MROH1: variants seen among roughly 807,000 people sequenced by gnomAD.
MROH1 encodes the protein maestro heat-like repeat-containing protein family member 1.
A neutral mutation model predicts 116.5 loss-of-function variants in MROH1; 117 were observed. That is an observed-to-expected ratio of 1.00 (90% CI 0.86 to 1.17). The LOEUF is 1.17. Ranked by LOEUF, MROH1 falls within the 50% of genes most tolerant of loss-of-function variation. The pLI is 0.00. For missense variants in MROH1, 1,873 were observed against 1,338.5 expected (o/e 1.40, Z -6.23); for synonymous variants, 921 against 583.9 (o/e 1.58, Z -8.32).
At chr8:144,249,738 G>T (rs1370636557) in intron 32 of MROH1, among the ~76,000 whole-genome samples, 1 of 152,180 alleles carries the variant, frequency 6.6e-6, no homozygotes, top group Non-Finnish European at 1.5e-5. Context: ...CTCAGGCCCA[G>T]CTCCATCCTC....
chr8:144,196,883 C>T (rs1161425261), intron 10 of MROH1, among the ~76,000 whole-genome samples: 1 of 151,636 alleles, frequency 6.6e-6, no homozygotes, highest in Non-Finnish European at 1.5e-5. Context: ...ACCACGAGGT[C>T]AGGAGTTCAA....
intron 12 of MROH1, among the ~76,000 whole-genome samples, chr8:144,203,678 G>A (rs1337258856): frequency 6.6e-6 from 1 of 152,122 alleles, no homozygotes; most frequent in Non-Finnish European, 1.5e-5. Context: ...GAGGCATGGG[G>A]CGTGTGGCAG....
Position 144,243,923 on chromosome 8 carries a change from C to G in MROH1, c.2536C>G (p.Leu846Val). The change falls in exon 26 of 44, where the codon CTC becomes GTC. Residue 846 changes from leucine to valine, a missense_variant. Leu to Val is a conservative substitution (Grantham distance 32). Coordinates refer to ENST00000326134, the MANE Select transcript of MROH1 (RefSeq NM_032450.3). ...GACACCTATTCGGAAGAAAGCCATG[C>G]TCACCTGCACTTACTTGGTGTATCC... ...LRTPIRKKAM[L>V]TCTYLVSVEP... The G allele has an allele frequency of 1.3e-6, 1 of 780,462 alleles. No individual in the cohort carries two copies. Among genetic ancestry groups the G allele is most frequent in the Non-Finnish European group, 2.4e-6 (1 of 417,726 alleles). The allele number at this position is 780,462 out of a possible 1,614,324, so 48.3% of individuals were successfully genotyped here.
At chr8:144,241,621 C>T in intron 22 of MROH1, 104 bp downstream of exon 22, 1 of 762,416 alleles carries the variant, frequency 1.3e-6, no homozygotes, top group South Asian at 1.4e-5. Flanking sequence ...CTGGTTGCGT[C>T]CCTGGACCAA....
At chr8:144,260,114 T>C (rs1189612095) in intron 38 of MROH1, 57 bp downstream of exon 38, 4 of 748,240 alleles carry the variant, frequency 5.3e-6, no homozygotes, top group South Asian at 2.8e-5. Context: ...GGGCTGTGCA[T>C]GGAGGCCACC....
chr8:144,249,736 C>T (rs1842530546), intron 32 of MROH1, among the ~76,000 whole-genome samples: 1 of 152,230 alleles, frequency 6.6e-6, no homozygotes, highest in Non-Finnish European at 1.5e-5. Context: ...GTCTCAGGCC[C>T]AGCTCCATCC....
At chr8:144,250,187 A>C in intron 32 of MROH1, 25 bp from the exon 33 acceptor site, 1 of 761,364 alleles carries the variant, frequency 1.3e-6, no homozygotes. Flanking sequence ...GCGTGGCCTG[A>C]CCACCGTGTC....
At chr8:144,254,765 C>T (rs903983453) in intron 33 of MROH1, 48 bp from the exon 34 acceptor site, 24,431 of 735,952 alleles carry the variant, frequency 0.033, 680 homozygotes, top group Admixed American at 0.084. Flanking sequence ...GGGGGGCAGG[C>T]GCCCTGACCA....
In MROH1 at chr8:144,180,632, G is replaced by A. The variant is rs914072755; in HGVS notation, c.562+109G>A. The A allele has an allele frequency of 2.5e-5, 27 of 1,086,142 alleles. No individual in the cohort carries two copies. Among genetic ancestry groups the A allele is most frequent in the African/African-American group, 2.0e-4 (13 of 63,562 alleles). The allele number at this position is 1,086,142 out of a possible 1,614,324, so 67.3% of individuals were successfully genotyped here. On this transcript the variant is annotated intron_variant, in intron 7 of 43. Transcript: ENST00000326134. This position sits in a 1 kb window ranked among gnomAD's most constrained non-coding sequence, Gnocchi z 7.4. ...GGTGGGCACTTTAGGCTGCAGGAAGGGGGGCTGTTGGAGGGAGGGGCCCCC... is the reference window on the plus strand; with the variant it reads ...GGTGGGCACTTTAGGCTGCAGGAAGAGGGGCTGTTGGAGGGAGGGGCCCCC...
intron 35 of MROH1, 107 bp from the exon 36 acceptor site, chr8:144,258,670 C>T (rs1028108683): frequency 3.5e-5 from 24 of 694,686 alleles, no homozygotes; most frequent in Admixed American, 6.0e-5. Context: ...AGGGATAGGG[C>T]TAGCCACCAG....
intron 4 of MROH1, among the ~76,000 whole-genome samples, chr8:144,172,549 T>A (rs1295982668): frequency 6.6e-6 from 1 of 151,880 alleles, no homozygotes; most frequent in Admixed American, 6.6e-5. Flanking sequence ...GTAGCTGGGA[T>A]TACAGACGCG....
intron 12 of MROH1, among the ~76,000 whole-genome samples, chr8:144,209,578 C>A (rs201928756): frequency 3.8e-3 from 496 of 131,146 alleles, no homozygotes; most frequent in Non-Finnish European, 4.0e-3. Flanking sequence ...GACTCCGTCT[C>A]AAAAAAAAAA....
At chr8:144,156,518 C>T (rs1216309696) in intron 1 of MROH1, among the ~76,000 whole-genome samples, 1 of 151,632 alleles carries the variant, frequency 6.6e-6, no homozygotes, top group Non-Finnish European at 1.5e-5. Context: ...ACCAGCCTGG[C>T]CAACATGGTG....
At chr8:144,261,540 C>G in intron 43 of MROH1, 115 bp from the exon 44 acceptor site, 2 of 689,986 alleles carry the variant, frequency 2.9e-6, no homozygotes, top group Non-Finnish European at 5.3e-6. Flanking sequence ...GAAAAACGAT[C>G]TTTCCGTTGG....
At chr8:144,256,752 C>T (rs1364051960) in intron 35 of MROH1, among the ~76,000 whole-genome samples, 2 of 152,250 alleles carry the variant, frequency 1.3e-5, no homozygotes, top group Non-Finnish European at 1.5e-5. Flanking sequence ...CTTAAATGTC[C>T]TGGGCACACA....
intron 31 of MROH1, 40 bp downstream of exon 31, chr8:144,247,719 A>C (rs1329292429): frequency 1.4e-6 from 1 of 723,178 alleles, no homozygotes; most frequent in Admixed American, 1.9e-5. Flanking sequence ...GCAGGCTGGC[A>C]CTGTCTGGGG....
At chr8:144,250,142 G>C (rs1275736007) in intron 32 of MROH1, 70 bp from the exon 33 acceptor site, 2 of 724,414 alleles carry the variant, frequency 2.8e-6, no homozygotes, top group East Asian at 2.6e-5. Flanking sequence ...CCACCCCCTT[G>C]GGCTGGCGTA....
Position 144,259,328 on chromosome 8 carries a change from G to A in MROH1, c.4018G>A (p.Val1340Met). ...CAGCAGTGCGTATGAGAACCAGAGG[G>A]TGACCACCACCGCCTTCCTGGCCGA... The part of the protein sequence containing the change: ...THSSAYENQR[V>M]TTTAFLAELL... The change falls in exon 37 of 44, where the codon GTG (valine) becomes ATG (methionine). Residue 1340 changes from valine to methionine, a missense_variant. Val to Met is a conservative substitution (Grantham distance 21, BLOSUM62 1). Coordinates refer to ENST00000326134, the MANE Select transcript of MROH1 (RefSeq NM_032450.3). 2.8e-6 allele frequency: 2 copies of A among 715,194 alleles called. No individual in the cohort carries two copies. Among genetic ancestry groups the A allele is most frequent in the East Asian group, 2.7e-5 (1 of 37,296 alleles). 44.3% of individuals were successfully genotyped at this position (715,194 alleles called of 1,614,324 possible).
At chr8:144,176,954 TC>T (rs1479031867) in intron 4 of MROH1, among the ~76,000 whole-genome samples, 4 of 152,110 alleles carry the variant, frequency 2.6e-5, no homozygotes, top group Non-Finnish European at 5.9e-5. Flanking sequence ...TGAGACTGAT[TC>T]CCCACCTGCC....
Sources: gnomAD v4.1 joint callset for allele counts (sites outside exome capture counted in the v4.1 genomes callset) on GRCh38, gnomAD v4.1.1 for gene constraint, Gnocchi (gnomAD v3.1) non-coding constraint, MANE v1.5 for transcripts, NCBI Gene and HGNC (gene_info 2026-07-23, HGNC 2026-07-21) for gene names.